The following TMSB15B variants were observed in gnomAD, a reference collection of about 807,000 sequenced individuals.
TMSB15B encodes the protein thymosin beta 15B.
At position 103,939,882 on chromosome X, in the gene TMSB15B, C is replaced by T. The variant is rs1168957327; in HGVS notation, c.-721+20590C>T. ...TTGTTGCTGTTGATGGTATTGCTTT[C>T]TGTTTGTTGGTTTTCCTTCTATCAG... On this transcript the variant is annotated intron_variant, in intron 1 of 3. Transcript: ENST00000419165. 2.7e-5 allele frequency among the ~76,000 whole-genome samples: 3 copies of T among 111,879 alleles called. 1 individual carries two copies. The highest frequency in any genetic ancestry group is 1.9e-4 in the Admixed American group (2 of 10,552).
In TMSB15B at chrX:103,946,908, C is replaced by T. The variant is rs187550504; in HGVS notation, c.-720-15113C>T. Reference sequence around the variant, plus strand: ...TCGACAAACATTGTATAATAAAAGACGTGAGAAGTAACCTTAGTGAGAAAA... The same window carrying T: ...TCGACAAACATTGTATAATAAAAGATGTGAGAAGTAACCTTAGTGAGAAAA... On this transcript the variant is annotated intron_variant, in intron 1 of 3. Coordinates refer to the TMSB15B transcript ENST00000419165. Among the ~76,000 whole-genome samples, 325 of 111,018 alleles carry T rather than the reference C, an allele frequency of 2.9e-3. 2 individuals carry two copies. Among genetic ancestry groups the T allele is most frequent in the Non-Finnish European group, 3.5e-3 (184 of 52,943 alleles).
At chrX:103,950,001 A>AT (rs2075034991) in intron 1 of TMSB15B, among the ~76,000 whole-genome samples, 1 of 111,568 alleles carries the variant, frequency 9.0e-6, no homozygotes, top group Non-Finnish European at 1.9e-5. Flanking sequence ...GGAGTGACTC[A>AT]TTAGCCGTGC....
intron 1 of TMSB15B, chrX:103,933,010 G>C (rs1556320198): frequency 1.8e-5 from 2 of 111,349 alleles, no homozygotes. Context: ...CTTTTCTAGA[G>C]CTCAAGTTGA....
chrX:103,922,212 T>A (rs192045782), intron 1 of TMSB15B, among the ~76,000 whole-genome samples: 69 of 110,302 alleles, frequency 6.3e-4, no homozygotes, highest in Admixed American at 2.2e-3. Flanking sequence ...TTATTTATTT[T>A]TTATTAGTGC....
chrX:103,942,960 T>A (rs377411691), intron 1 of TMSB15B, among the ~76,000 whole-genome samples: 1 of 111,587 alleles, frequency 9.0e-6, no homozygotes, highest in Non-Finnish European at 1.9e-5. Context: ...GTATAACATA[T>A]GTTGATTAAT....
chrX:103,931,846 C>T (rs1423573898), intron 1 of TMSB15B: 1 of 111,590 alleles, frequency 9.0e-6, no homozygotes, highest in African/African-American at 3.3e-5. Context: ...GCCTCATTCC[C>T]GACCTCCAGG....
intron 1 of TMSB15B, among the ~76,000 whole-genome samples, chrX:103,927,215 G>A (rs1255248697): frequency 1.8e-5 from 2 of 111,081 alleles, no homozygotes; most frequent in African/African-American, 3.3e-5. Flanking sequence ...CGTTTGGCAA[G>A]GTCTCAAGAT....
chrX:103,930,766 T>TAATAATAAA (rs1419605742), intron 1 of TMSB15B, among the ~76,000 whole-genome samples: 14 of 102,971 alleles, frequency 1.4e-4, no homozygotes, highest in South Asian at 4.1e-4. Context: ...ATAATAATAA[T>TAATAATAAA]AAATTACTTT....
intron 1 of TMSB15B, among the ~76,000 whole-genome samples, chrX:103,949,142 T>C (rs2075032908): frequency 9.0e-6 from 1 of 110,583 alleles, no homozygotes; most frequent in Non-Finnish European, 1.9e-5. Flanking sequence ...GTTTGTAGAA[T>C]AGCAAGAAGG....
chrX:103,941,473 CA>C (rs1328872280), intron 1 of TMSB15B, among the ~76,000 whole-genome samples: 29 of 111,965 alleles, frequency 2.6e-4, no homozygotes, highest in African/African-American at 9.1e-4. Flanking sequence ...TTCTCACTAA[CA>C]GTGTATGAGT....
At chrX:103,920,043 C>T (rs1337599699) in intron 1 of TMSB15B, among the ~76,000 whole-genome samples, 3 of 111,773 alleles carry the variant, frequency 2.7e-5, no homozygotes, top group African/African-American at 9.8e-5. Flanking sequence ...GAAGAGGAAA[C>T]TCTTCTTGGC....
chrX:103,920,360 C>G (rs1428515279), intron 1 of TMSB15B, among the ~76,000 whole-genome samples: 22 of 111,833 alleles, frequency 2.0e-4, no homozygotes, highest in African/African-American at 5.9e-4. Flanking sequence ...ACTAGGACTA[C>G]AGGTAAAGAG....
At chrX:103,920,223 C>T (rs1278662335) in intron 1 of TMSB15B, among the ~76,000 whole-genome samples, 3 of 111,630 alleles carry the variant, frequency 2.7e-5, no homozygotes, top group Non-Finnish European at 5.6e-5. Flanking sequence ...AAATTTGGAC[C>T]GAATCTCTGA....
chrX:103,934,246 C>G (rs1320550094), intron 1 of TMSB15B, among the ~76,000 whole-genome samples: 2 of 111,208 alleles, frequency 1.8e-5, no homozygotes, highest in Non-Finnish European at 3.8e-5. Context: ...TGATATTTGC[C>G]TTTCTGTGCC....
intron 1 of TMSB15B, chrX:103,929,096 C>A: frequency 1.2e-6 from 1 of 803,326 alleles, no homozygotes; most frequent in Non-Finnish European, 1.7e-6. Context: ...ACTTCTTTGG[C>A]TCGGTTGCCT....
chrX:103,930,095 T>C (rs1191930796), intron 1 of TMSB15B, among the ~76,000 whole-genome samples: 1 of 111,222 alleles, frequency 9.0e-6, no homozygotes, highest in African/African-American at 3.3e-5. Context: ...TTCAGAGCCA[T>C]TCAAAATATG....
chrX:103,954,462 A>G (rs1296449485), intron 1 of TMSB15B, among the ~76,000 whole-genome samples: 2 of 111,320 alleles, frequency 1.8e-5, no homozygotes, highest in Non-Finnish European at 3.8e-5. Context: ...GCCGTGCACC[A>G]GCCTGCATGT....
chrX:103,920,361 A>G (rs1344734448), intron 1 of TMSB15B, among the ~76,000 whole-genome samples: 22 of 111,944 alleles, frequency 2.0e-4, no homozygotes, highest in African/African-American at 5.8e-4. Flanking sequence ...CTAGGACTAC[A>G]GGTAAAGAGT....
chrX:103,940,547 C>T (rs1556324086), intron 1 of TMSB15B, among the ~76,000 whole-genome samples: 1 of 111,267 alleles, frequency 9.0e-6, no homozygotes, highest in Non-Finnish European at 1.9e-5. Flanking sequence ...TTCAGACTTT[C>T]GTGCTGGCAG....
Sources: gnomAD v4.1 joint callset for allele counts (sites outside exome capture counted in the v4.1 genomes callset) on GRCh38, gnomAD v4.1.1 for gene constraint, MANE v1.5 for transcripts, NCBI Gene and HGNC (gene_info 2026-07-23, HGNC 2026-07-21) for gene names.